The following EDNRA variants were observed in gnomAD, a reference collection of about 807,000 sequenced individuals.
The protein encoded by EDNRA is endothelin receptor type A.
In EDNRA, 11 loss-of-function variants were observed where a neutral mutation model predicts 41.4. The observed-to-expected ratio is 0.27, with a 90% CI of 0.17 to 0.44. The LOEUF is 0.44. Ranked by LOEUF, EDNRA falls within the 20% of genes least tolerant of loss-of-function variation. The pLI is 1.00. For synonymous variants in EDNRA, 172 were observed against 183.0 expected, an observed-to-expected ratio of 0.94 and a Z score of 0.49; for missense variants, 294 against 531.0, an observed-to-expected ratio of 0.55 and a Z score of 4.39.
chr4:147,499,511 T>G (rs1729435066), intron 2 of EDNRA, among the ~76,000 whole-genome samples: 1 of 152,254 alleles, frequency 6.6e-6, no homozygotes, highest in African/African-American at 2.4e-5. Context: ...TGTCTCGATT[T>G]ATGTTAGTAA....
Position 147,539,907 on chromosome 4 carries a change from A to G in EDNRA, c.991A>G (p.Thr331Ala). Residue 331 changes from threonine to alanine, a missense_variant, in exon 6 of 8, where the codon ACT becomes GCT. Thr to Ala is a moderately conservative substitution (Grantham distance 58). Transcript: ENST00000651419. Reference sequence around the variant, plus strand: ...TCATTTAAGCCGTATATTGAAGAAAACTGTGTATAACGAGATGGACAAGAA... The same window carrying G: ...TCATTTAAGCCGTATATTGAAGAAAGCTGTGTATAACGAGATGGACAAGAA... ...PLHLSRILKK[T>A]VYNEMDKNRC... 6.2e-7 allele frequency: 1 copy of G among 1,613,268 alleles called. No homozygotes were observed. Among genetic ancestry groups the G allele is most frequent in the Non-Finnish European group, 8.5e-7 (1 of 1,179,854 alleles).
intron 2 of EDNRA, among the ~76,000 whole-genome samples, chr4:147,502,696 T>C (rs1729557211): frequency 6.6e-6 from 1 of 152,208 alleles, no homozygotes; most frequent in Admixed American, 6.5e-5. Flanking sequence ...TCCAGACCTT[T>C]CCACTGTTCA....
chr4:147,510,755 A>G (rs988507557), intron 2 of EDNRA, among the ~76,000 whole-genome samples: 1 of 152,210 alleles, frequency 6.6e-6, no homozygotes, highest in Admixed American at 6.5e-5. Context: ...CCAAGTTCTG[A>G]CATCCTTAAT....
intron 2 of EDNRA, among the ~76,000 whole-genome samples, chr4:147,505,585 A>G (rs1578789656): frequency 7.2e-6 from 1 of 139,320 alleles, no homozygotes; most frequent in South Asian, 2.3e-4. Flanking sequence ...CAGGCGATCC[A>G]CCCACCTCAG....
intron 2 of EDNRA, among the ~76,000 whole-genome samples, chr4:147,502,080 T>G (rs1311181653): frequency 6.6e-6 from 1 of 152,182 alleles, no homozygotes; most frequent in East Asian, 1.9e-4. Flanking sequence ...AGTCTTTTTT[T>G]GTTCCTATAT....
chr4:147,517,000 A>G (rs1166529787), intron 2 of EDNRA, among the ~76,000 whole-genome samples: 3 of 152,018 alleles, frequency 2.0e-5, no homozygotes, highest in African/African-American at 7.3e-5. Context: ...TTGTAAAAAA[A>G]AAAAGCATAT....
At chr4:147,524,290 G>A (rs556773789) in intron 3 of EDNRA, among the ~76,000 whole-genome samples, 25 of 152,076 alleles carry the variant, frequency 1.6e-4, no homozygotes, top group Middle Eastern at 3.4e-3. Context: ...AGCATCATGC[G>A]GAGCTTCAGT....
At position 147,535,862 on chromosome 4, in the gene EDNRA, T is replaced by G; in HGVS notation, c.748-15T>G. The G allele has an allele frequency of 1.2e-6, 2 of 1,607,732 alleles. No homozygotes were observed. On this transcript the variant is annotated splice_polypyrimidine_tract_variant and intron_variant, in intron 4 of 7. Coordinates refer to ENST00000651419, the MANE Select transcript of EDNRA (RefSeq NM_001957.4). ...CTGCTCCTCCTTTTCTCTTTTTTTT[T>G]TTTTCACTTTGAAGTTCTACCAAGA...
chr4:147,505,019 T>C (rs1337904305), intron 2 of EDNRA, among the ~76,000 whole-genome samples: 2 of 112,002 alleles, frequency 1.8e-5, no homozygotes, highest in Admixed American at 8.4e-5. Flanking sequence ...CAAAACTCAA[T>C]GGTAAAAAAA....
intron 2 of EDNRA, among the ~76,000 whole-genome samples, chr4:147,500,812 A>G (rs1372215500): frequency 1.3e-5 from 2 of 151,996 alleles, no homozygotes; most frequent in African/African-American, 4.8e-5. Flanking sequence ...TCATTCTGCC[A>G]GCACCCAGGT....
intron 2 of EDNRA, among the ~76,000 whole-genome samples, chr4:147,496,322 T>A (rs1264033715): frequency 6.6e-6 from 1 of 152,250 alleles, no homozygotes; most frequent in African/African-American, 2.4e-5. Flanking sequence ...GTCATTGATG[T>A]CATAAGTATG....
In EDNRA at chr4:147,519,787, TG is replaced by T; in HGVS notation, c.421-63del. 6.4e-7 allele frequency: 1 copy of T among 1,555,190 alleles called. No individual in the cohort carries two copies. Among genetic ancestry groups the T allele is most frequent in the South Asian group, 1.2e-5 (1 of 82,762 alleles). ...AGAAGTTGGGACGCATAACTAAAAC[TG>T]TAAGTGCCCACATGCTCCGTGCCAG... is the stretch of plus-strand genomic sequence containing the variant. On this transcript the variant is annotated intron_variant, in intron 2 of 7. Transcript: ENST00000651419. This position sits in a 1 kb window ranked among gnomAD's most constrained non-coding sequence, Gnocchi z 4.1.
Position 147,535,868 on chromosome 4 carries a change from A to G in EDNRA, c.748-9A>G, listed in dbSNP as rs1295549806. On this transcript the variant is annotated splice_polypyrimidine_tract_variant and intron_variant, in intron 4 of 7. Transcript: ENST00000651419. ...CTCCTTTTCTCTTTTTTTTTTTTTC[A>G]CTTTGAAGTTCTACCAAGATGTAAA... 1 of 1,573,778 alleles carries G rather than the reference A, an allele frequency of 6.4e-7. No homozygotes were observed. Among genetic ancestry groups the G allele is most frequent in the East Asian group, 2.3e-5 (1 of 44,282 alleles).
chr4:147,486,105 G>A lies in EDNRA; in HGVS notation c.420+4G>A, dbSNP rs1728936896. The A allele has an allele frequency of 1.3e-6, 2 of 1,599,744 alleles. No individual in the cohort carries two copies. The highest frequency in any genetic ancestry group is 2.7e-5 in the African/African-American group (2 of 74,608). On this transcript the variant is annotated splice_donor_region_variant and intron_variant, in intron 2 of 7. Coordinates refer to ENST00000651419, the MANE Select transcript of EDNRA (RefSeq NM_001957.4). The surrounding 1 kb of genome is among the most constrained non-coding windows in gnomAD (Gnocchi z 4.3). ...TCTCCCTATCAATGTATTTAAGGTA[G>A]GAAGTAACCACAAATGTATTTGCAA...
chr4:147,487,617 A>C (rs1728993710), intron 2 of EDNRA, among the ~76,000 whole-genome samples: 1 of 152,250 alleles, frequency 6.6e-6, no homozygotes, highest in Admixed American at 6.5e-5. Flanking sequence ...AGTACACTTA[A>C]GCTGTGGTTA....
chr4:147,496,473 A>G (rs1346398053), intron 2 of EDNRA, among the ~76,000 whole-genome samples: 1 of 152,270 alleles, frequency 6.6e-6, no homozygotes, highest in Non-Finnish European at 1.5e-5. Context: ...GAAATGTAGC[A>G]TACACATAGA....
chr4:147,521,891 A>C (rs1423649047), intron 3 of EDNRA, among the ~76,000 whole-genome samples: 1 of 152,198 alleles, frequency 6.6e-6, no homozygotes, highest in African/African-American at 2.4e-5. Flanking sequence ...TTTTATTAAA[A>C]TACAGGGTCT....
chr4:147,515,292 G>A (rs761562401), intron 2 of EDNRA, among the ~76,000 whole-genome samples: 4 of 152,122 alleles, frequency 2.6e-5, no homozygotes, highest in Non-Finnish European at 5.9e-5. Context: ...TCTACCCCTA[G>A]ATGCGAGTAG....
intron 2 of EDNRA, among the ~76,000 whole-genome samples, chr4:147,512,365 G>A (rs1021159382): frequency 2.6e-5 from 4 of 152,102 alleles, no homozygotes; most frequent in African/African-American, 9.7e-5. Context: ...CTTTCTCCTT[G>A]TTTCCTCTCA....
Sources: gnomAD v4.1 joint callset for allele counts (sites outside exome capture counted in the v4.1 genomes callset) on GRCh38, gnomAD v4.1.1 for gene constraint, Gnocchi (gnomAD v3.1) non-coding constraint, MANE v1.5 for transcripts, NCBI Gene and HGNC (gene_info 2026-07-23, HGNC 2026-07-21) for gene names.